The following FMNL2 variants were observed in gnomAD, a reference collection of about 807,000 sequenced individuals.
FMNL2 encodes the protein formin like 2.
A neutral mutation model predicts 130.2 loss-of-function variants in FMNL2; 51 were observed. That is an observed-to-expected ratio of 0.39 (90% CI 0.31 to 0.49). The LOEUF (loss-of-function observed/expected upper bound fraction) is 0.49, where lower values mean the gene tolerates loss of function less well. Among genes scored for constraint, FMNL2 ranks in the 20% least tolerant of loss-of-function variants. The probability of loss-of-function intolerance (pLI) is 0.85; values close to 1 mark genes in which losing one functional copy is unlikely to be tolerated. For missense variants in FMNL2, 977 were observed against 1,316.2 expected, an observed-to-expected ratio of 0.74 and a Z score of 3.99; for synonymous variants, 465 against 467.1, an observed-to-expected ratio of 1.00 and a Z score of 0.06.
At chr2:152,567,836 G>T (rs1256578033) in intron 6 of FMNL2, among the ~76,000 whole-genome samples, 1 of 152,188 alleles carries the variant, frequency 6.6e-6, no homozygotes, top group African/African-American at 2.4e-5. Context: ...TCTGAATAGT[G>T]TGACAGACTG....
At chr2:152,578,814 T>C (rs1280104644) in intron 7 of FMNL2, 74 bp from the exon 8 acceptor site, 3 of 1,335,676 alleles carry the variant, frequency 2.2e-6, no homozygotes, top group Non-Finnish European at 3.1e-6. Flanking sequence ...TTTTTGGTTT[T>C]AAATCAATAC....
chr2:152,447,657 A>G (rs928263449), intron 1 of FMNL2, among the ~76,000 whole-genome samples: 5 of 151,946 alleles, frequency 3.3e-5, no homozygotes, highest in African/African-American at 2.4e-5. Flanking sequence ...TCTATCTTAC[A>G]TCACCTTCAC....
At chr2:152,646,975 A>G (rs745809981) in intron 25 of FMNL2, among the ~76,000 whole-genome samples, 4 of 152,140 alleles carry the variant, frequency 2.6e-5, no homozygotes, top group Non-Finnish European at 5.9e-5. Context: ...AGCAATGCCT[A>G]TTTGGACTGG....
At chr2:152,599,765 A>G (rs1289062316) in intron 9 of FMNL2, among the ~76,000 whole-genome samples, 1 of 152,164 alleles carries the variant, frequency 6.6e-6, no homozygotes, top group African/African-American at 2.4e-5. Flanking sequence ...TAGGTTATAG[A>G]ATACATTTAG....
At chr2:152,578,999 A>T (rs74725228) in intron 8 of FMNL2, 35 bp downstream of exon 8, 2 of 1,561,728 alleles carry the variant, frequency 1.3e-6, no homozygotes, top group African/African-American at 2.7e-5. Context: ...GTCTAAATCT[A>T]TCTAGAGAAA....
intron 9 of FMNL2, among the ~76,000 whole-genome samples, chr2:152,589,769 C>T (rs1370140622): frequency 4.0e-5 from 6 of 151,676 alleles, no homozygotes; most frequent in South Asian, 4.2e-4. Flanking sequence ...GCATTTATTT[C>T]GTGAAAGGCC....
chr2:152,611,406 C>G (rs190410796), intron 10 of FMNL2, 89 bp from the exon 11 acceptor site: 200 of 641,622 alleles, frequency 3.1e-4, no homozygotes, highest in Admixed American at 1.1e-3. Flanking sequence ...GGTAAGTGAG[C>G]CTTTTTTATG....
chr2:152,540,736 A>G (rs1694267670), intron 2 of FMNL2, among the ~76,000 whole-genome samples: 2 of 151,530 alleles, frequency 1.3e-5, no homozygotes, highest in Non-Finnish European at 2.9e-5. Flanking sequence ...GATATACCTA[A>G]TGCTAGATGA....
rs181801751 is a variant in FMNL2 at position 152,465,098 on chromosome 2, G to T, written c.118-56845G>T. Reference sequence around the variant, plus strand: ...GGCAGCATCAACAAGAAACAAGTGCGATCTCATAGCCCTGCGCAAGTAGTG... The same window carrying T: ...GGCAGCATCAACAAGAAACAAGTGCTATCTCATAGCCCTGCGCAAGTAGTG... On this transcript the variant is annotated intron_variant, in intron 1 of 25. Transcript: ENST00000288670. 1.2e-3 allele frequency among the ~76,000 whole-genome samples: 190 copies of T among 152,352 alleles called. 1 individual carries two copies. Among genetic ancestry groups the T allele is most frequent in the African/African-American group, 4.4e-3 (182 of 41,582 alleles).
At position 152,641,948 on chromosome 2, in the gene FMNL2, CTT is replaced by C. The variant is rs34296572; in HGVS notation, c.3169+1045_3169+1046del. Among the ~76,000 whole-genome samples the C allele has an allele frequency of 2.6e-3, 377 of 145,368 alleles. 4 individuals carry two copies. Among genetic ancestry groups the C allele is most frequent in the African/African-American group, 6.6e-3 (260 of 39,608 alleles). On this transcript the variant is annotated intron_variant, in intron 25 of 25. Transcript: ENST00000288670. ...TTCCTAGACTCTTGATGTCTCATTT[CTT>C]TTTTTTTTTTGATGGAGTCTCATTC...
chr2:152,639,669 G>A (rs1483250429), intron 23 of FMNL2, among the ~76,000 whole-genome samples: 1 of 152,148 alleles, frequency 6.6e-6, no homozygotes, highest in Non-Finnish European at 1.5e-5. Flanking sequence ...CAGGATGGTA[G>A]GTGCCCACCA....
chr2:152,402,460 C>CT (rs1685759312), intron 1 of FMNL2, among the ~76,000 whole-genome samples: 1 of 152,196 alleles, frequency 6.6e-6, no homozygotes, highest in African/African-American at 2.4e-5. Flanking sequence ...GATCTACCCT[C>CT]TGAGTGTGGC....
rs116348932 is a variant in FMNL2, at chr2:152,400,260, C to T, written c.117+64540C>T. Among the ~76,000 whole-genome samples the T allele has an allele frequency of 3.2e-3, 485 of 152,112 alleles. 2 individuals are homozygous for T. Among genetic ancestry groups the T allele is most frequent in the African/African-American group, 0.011 (455 of 41,506 alleles). ...TAGCCTGGCCAACATGGCGAAACTC[C>T]GTCTCTAATAAAAAATACAAAAAGC... On this transcript the variant is annotated intron_variant, in intron 1 of 25. Transcript: ENST00000288670.
At chr2:152,385,665 A>G (rs4664106) in intron 1 of FMNL2, among the ~76,000 whole-genome samples, 32,213 of 152,084 alleles carry the variant, frequency 0.21, 3,735 homozygotes, top group African/African-American at 0.29. Flanking sequence ...GTTGCATTCA[A>G]CTGATTTGGT....
At chr2:152,398,338 A>G (rs917266361) in intron 1 of FMNL2, among the ~76,000 whole-genome samples, 1 of 152,248 alleles carries the variant, frequency 6.6e-6, no homozygotes, top group Non-Finnish European at 1.5e-5. Flanking sequence ...CCTAATTTGT[A>G]AGTCCTCATC....
chr2:152,510,305 A>T (rs1045236191), intron 1 of FMNL2, among the ~76,000 whole-genome samples: 1 of 152,222 alleles, frequency 6.6e-6, no homozygotes, highest in Non-Finnish European at 1.5e-5. Flanking sequence ...TGAATACAAG[A>T]TACTTTATTG....
chr2:152,578,651 G>C (rs776712260), intron 7 of FMNL2: 14 of 191,024 alleles, frequency 7.3e-5, no homozygotes, highest in East Asian at 2.6e-4. Flanking sequence ...TGTACCCCCC[G>C]CCTCAGCCTC....
intron 1 of FMNL2, among the ~76,000 whole-genome samples, chr2:152,349,805 C>G (rs1184279397): frequency 6.6e-6 from 1 of 152,202 alleles, no homozygotes; most frequent in Admixed American, 6.5e-5. Flanking sequence ...GAGATTCTAG[C>G]TCAGTCCCAA....
intron 2 of FMNL2, among the ~76,000 whole-genome samples, chr2:152,530,566 A>G (rs904766323): frequency 6.6e-6 from 1 of 152,234 alleles, no homozygotes; most frequent in Non-Finnish European, 1.5e-5. Context: ...GTGATGTGCT[A>G]GATGCTAAGA....
Sources: gnomAD v4.1 joint callset for allele counts (sites outside exome capture counted in the v4.1 genomes callset) on GRCh38, gnomAD v4.1.1 for gene constraint, MANE v1.5 for transcripts, NCBI Gene and HGNC (gene_info 2026-07-23, HGNC 2026-07-21) for gene names.